Variants in GRIN2A observed in about 807,000 individuals in gnomAD.
The protein encoded by GRIN2A is glutamate receptor ionotropic, NMDA 2A.
GRIN2A carries 22 observed loss-of-function variants against 113.4 expected under a neutral mutation model. The ratio of observed to expected loss-of-function variants is 0.19; its 90% CI spans 0.14 to 0.28. The LOEUF (loss-of-function observed/expected upper bound fraction) is 0.28, where lower values mean the gene tolerates loss of function less well. GRIN2A is among the 10% of genes least tolerant of loss of function. The pLI is 1.00. For synonymous variants in GRIN2A, 827 were observed against 738.4 expected (o/e 1.12, Z -1.94); for missense variants, 1,502 against 1,887.0 (o/e 0.80, Z 3.78).
intron 11 of GRIN2A, among the ~76,000 whole-genome samples, chr16:9,792,398 T>A (rs530409068): frequency 1.2e-4 from 19 of 152,150 alleles, no homozygotes; most frequent in Admixed American, 3.3e-4. Context: ...ATTTAAAAAA[T>A]TTTTTTGTAG....
chr16:9,862,474 T>A (rs2043087572), intron 4 of GRIN2A, among the ~76,000 whole-genome samples: 1 of 152,202 alleles, frequency 6.6e-6, no homozygotes, highest in Admixed American at 6.5e-5. Context: ...TCTGCTTCCA[T>A]TCTCCTCTTG....
intron 2 of GRIN2A, among the ~76,000 whole-genome samples, chr16:10,009,093 G>A (rs903145937): frequency 6.6e-6 from 1 of 152,292 alleles, no homozygotes; most frequent in Admixed American, 6.5e-5. Context: ...GAATTTGGGT[G>A]AATCATGTCA....
chr16:10,140,033 C>G (rs2049292659), intron 2 of GRIN2A, among the ~76,000 whole-genome samples: 1 of 152,082 alleles, frequency 6.6e-6, no homozygotes, highest in East Asian at 1.9e-4. Flanking sequence ...TTCATAAGGC[C>G]TGGCATAATT....
chr16:10,154,058 G>A lies in GRIN2A; in HGVS notation c.414+25940C>T, dbSNP rs539389916. Among the ~76,000 whole-genome samples the A allele has an allele frequency of 8.5e-4, 129 of 152,194 alleles. 2 individuals carry two copies. The South Asian group carries it at 8.5e-3, about 10-fold the overall frequency. On this transcript the variant is annotated intron_variant, in intron 2 of 12. Transcript: ENST00000330684. Reference sequence around the variant, plus strand: ...CACCCCACAGTCCAGTTTTCCTCTCGTTCCAGGCACATGGCAGGAGAGCCC... The same window carrying A: ...CACCCCACAGTCCAGTTTTCCTCTCATTCCAGGCACATGGCAGGAGAGCCC...
At chr16:9,881,835 G>C (rs2043487264) in intron 4 of GRIN2A, among the ~76,000 whole-genome samples, 1 of 152,200 alleles carries the variant, frequency 6.6e-6, no homozygotes, top group South Asian at 2.1e-4. Flanking sequence ...CCGGTAGAAT[G>C]TGTCACAATG....
chr16:9,781,730 C>CT (rs1484076455), intron 11 of GRIN2A, among the ~76,000 whole-genome samples: 1 of 49,994 alleles, frequency 2.0e-5, no homozygotes, highest in African/African-American at 1.7e-4. Flanking sequence ...GAACCAGTAA[C>CT]CTTTAAATTC....
chr16:9,875,228 T>A (rs997904030), intron 4 of GRIN2A, among the ~76,000 whole-genome samples: 1 of 152,026 alleles, frequency 6.6e-6, no homozygotes, highest in East Asian at 2.0e-4. Flanking sequence ...GCCATAATCA[T>A]CATCATATTT....
chr16:9,982,962 C>T (rs1479635736), intron 2 of GRIN2A, among the ~76,000 whole-genome samples: 1 of 152,066 alleles, frequency 6.6e-6, no homozygotes, highest in Non-Finnish European at 1.5e-5. Flanking sequence ...AGTAAAAATA[C>T]ATCATAAGTT....
chr16:10,089,144 G>A (rs1183016564), intron 2 of GRIN2A, among the ~76,000 whole-genome samples: 1 of 152,188 alleles, frequency 6.6e-6, no homozygotes, highest in Non-Finnish European at 1.5e-5. Flanking sequence ...TCGGTAAAAT[G>A]TTAGTTGTAC....
At chr16:9,913,503 A>G (rs2044184476) in intron 3 of GRIN2A, among the ~76,000 whole-genome samples, 1 of 152,166 alleles carries the variant, frequency 6.6e-6, no homozygotes, top group Non-Finnish European at 1.5e-5. Flanking sequence ...TTTCCCCTCT[A>G]TATAGAAATA....
intron 2 of GRIN2A, among the ~76,000 whole-genome samples, chr16:10,126,274 T>C (rs1399487051): frequency 1.3e-5 from 2 of 151,992 alleles, no homozygotes; most frequent in East Asian, 3.9e-4. Flanking sequence ...GTGATCCTCC[T>C]GCCTCAGGCT....
chr16:10,160,137 G>T (rs550712515), intron 2 of GRIN2A, among the ~76,000 whole-genome samples: 3 of 152,322 alleles, frequency 2.0e-5, no homozygotes, highest in Admixed American at 2.0e-4. Flanking sequence ...TGTTTGTGAT[G>T]ATAATTTATT....
At chr16:10,031,889 C>T (rs1341096863) in intron 2 of GRIN2A, among the ~76,000 whole-genome samples, 1 of 152,192 alleles carries the variant, frequency 6.6e-6, no homozygotes, top group African/African-American at 2.4e-5. Flanking sequence ...TTGCTATGAT[C>T]CCTCCGGCCA....
At chr16:9,836,659 AAGTACCT>A (rs1285302760) in intron 7 of GRIN2A, among the ~76,000 whole-genome samples, 1 of 152,200 alleles carries the variant, frequency 6.6e-6, no homozygotes, top group Non-Finnish European at 1.5e-5. Context: ...TTAGTAAATT[AAGTACCT>A]ATCAGTGCCC....
intron 2 of GRIN2A, among the ~76,000 whole-genome samples, chr16:10,138,500 C>T (rs1252542282): frequency 6.6e-6 from 1 of 152,070 alleles, no homozygotes; most frequent in Non-Finnish European, 1.5e-5. Flanking sequence ...CATCAGATCT[C>T]GTGAGAACTC....
intron 2 of GRIN2A, among the ~76,000 whole-genome samples, chr16:10,061,196 C>T (rs2047545385): frequency 6.6e-6 from 1 of 152,106 alleles, no homozygotes; most frequent in African/African-American, 2.4e-5. Flanking sequence ...GCTCCAGCAG[C>T]CATCTTGGAT....
chr16:9,896,677 A>AG (rs925239539), intron 3 of GRIN2A, among the ~76,000 whole-genome samples: 3 of 152,002 alleles, frequency 2.0e-5, no homozygotes, highest in African/African-American at 7.2e-5. Flanking sequence ...GTCCCTTGGG[A>AG]GGGGGGAAAA....
chr16:10,164,938 G>C (rs945042728), intron 2 of GRIN2A, among the ~76,000 whole-genome samples: 9 of 152,204 alleles, frequency 5.9e-5, no homozygotes, highest in Admixed American at 5.2e-4. Flanking sequence ...AGAGTTAAGT[G>C]ACAGAGATAC....
chr16:9,824,319 AAAGGCC>A (rs1309078419), intron 9 of GRIN2A, among the ~76,000 whole-genome samples: 1 of 152,188 alleles, frequency 6.6e-6, no homozygotes, highest in African/African-American at 2.4e-5. Flanking sequence ...CAAAAGCTCA[AAAGGCC>A]AAGCCCAGGC....
Sources: gnomAD v4.1 joint callset for allele counts (sites outside exome capture counted in the v4.1 genomes callset) on GRCh38, gnomAD v4.1.1 for gene constraint, MANE v1.5 for transcripts, NCBI Gene and HGNC (gene_info 2026-07-23, HGNC 2026-07-21) for gene names.